DDX6: variants seen among roughly 807,000 people sequenced by gnomAD.
The protein encoded by DDX6 is probable ATP-dependent RNA helicase DDX6.
DDX6 carries 7 observed loss-of-function variants against 60.6 expected under a neutral mutation model. The ratio of observed to expected loss-of-function variants is 0.12; its 90% CI spans 0.07 to 0.22. The LOEUF is 0.22. Ranked by LOEUF, DDX6 falls within the 10% of genes least tolerant of loss-of-function variation. The pLI, the probability that DDX6 is intolerant of heterozygous loss-of-function variation, is 1.00. For missense variants in DDX6, 270 were observed against 589.9 expected, an observed-to-expected ratio of 0.46 and a Z score of 5.62; for synonymous variants, 207 against 201.0, an observed-to-expected ratio of 1.03 and a Z score of -0.25.
At chr11:118,761,319 G>C (rs1202214238) in intron 7 of DDX6, among the ~76,000 whole-genome samples, 1 of 151,578 alleles carries the variant, frequency 6.6e-6, no homozygotes, top group Non-Finnish European at 1.5e-5. Context: ...CCGGGATTTA[G>C]AAAAAACTTG....
Position 118,758,919 on chromosome 11 carries a change from A to G in DDX6, c.865-17T>C, listed in dbSNP as rs1555159596. On this transcript the variant is annotated splice_polypyrimidine_tract_variant and intron_variant, in intron 8 of 13. Transcript: ENST00000534980. ...ATGGGAATTCTGGGGGGGGAGCGGG[A>G]AAAAGATGAGTCGTCGTCTTAAATG... 2 of 1,612,242 alleles carry G rather than the reference A, an allele frequency of 1.2e-6. No individual in the cohort carries two copies. The highest frequency in any genetic ancestry group is 1.7e-6 in the Non-Finnish European group (2 of 1,179,054).
Position 118,765,267 on chromosome 11 carries a change from C to A in DDX6, c.588G>T (p.Val196=). The A allele has an allele frequency of 6.2e-7, 1 of 1,613,252 alleles. No homozygotes were observed. The highest frequency in any genetic ancestry group is 1.1e-5 in the South Asian group (1 of 91,050). ...QVSKHMGGAK[V]MATTGGTNLR... ...AATTGGTTCCTCCTGTGGTTGCCAT[C>A]ACTTTGGCCCCTCCCATGTGTTTGC... The change falls in exon 6 of 14, where the codon GTG becomes GTT. Residue 196 remains valine, a synonymous_variant. Transcript: ENST00000534980.
intron 4 of DDX6, among the ~76,000 whole-genome samples, chr11:118,772,550 G>C (rs1268727896): frequency 6.6e-6 from 1 of 152,132 alleles, no homozygotes; most frequent in African/African-American, 2.4e-5. Flanking sequence ...TGATCAAAAT[G>C]TTCTAAAATT....
In DDX6 at chr11:118,754,565, T is replaced by A. The variant is rs568373089; in HGVS notation, c.*7+140A>T. On this transcript the variant is annotated intron_variant, in intron 13 of 13. Coordinates refer to ENST00000534980, the MANE Select transcript of DDX6 (RefSeq NM_004397.6). ...GACTACAACCTCCCACAAGAGATATTATTTACTGTCATTTATGCTAGTGGG... is the reference window on the plus strand; with the variant it reads ...GACTACAACCTCCCACAAGAGATATAATTTACTGTCATTTATGCTAGTGGG... 1.4e-5 allele frequency: 10 copies of A among 697,878 alleles called. No individual in the cohort carries two copies. The African/African-American group carries it at 1.8e-4, about 13-fold the overall frequency. 43.2% of individuals were successfully genotyped at this position (697,878 alleles called of 1,614,324 possible).
intron 2 of DDX6, among the ~76,000 whole-genome samples, chr11:118,781,860 G>A (rs150792202): frequency 0.056 from 8,341 of 149,238 alleles, 334 homozygotes; most frequent in Non-Finnish European, 0.084. Flanking sequence ...CCTGGGAGGC[G>A]GACACTGCAG....
chr11:118,778,992 C>T (rs1204623472), intron 4 of DDX6, among the ~76,000 whole-genome samples: 1 of 151,760 alleles, frequency 6.6e-6, no homozygotes, highest in East Asian at 1.9e-4. Flanking sequence ...CCTATCCCTA[C>T]AAAAAAATAG....
intron 2 of DDX6, among the ~76,000 whole-genome samples, chr11:118,784,938 G>T (rs932584314): frequency 1.3e-5 from 2 of 152,026 alleles, no homozygotes; most frequent in East Asian, 1.9e-4. Context: ...TAGAGACGGG[G>T]TTTATTTTTA....
chr11:118,759,544 A>G (rs1861095814), intron 8 of DDX6, among the ~76,000 whole-genome samples: 1 of 152,164 alleles, frequency 6.6e-6, no homozygotes, highest in Non-Finnish European at 1.5e-5. Context: ...TCCAAAGAAC[A>G]TTTCCTTTTA....
In DDX6 at chr11:118,752,065, G is replaced by T. The variant is rs1182577682; in HGVS notation, c.*40C>A. On this transcript the variant is annotated 3_prime_UTR_variant, in exon 14 of 14. Coordinates refer to ENST00000534980, the MANE Select transcript of DDX6 (RefSeq NM_004397.6). ...ATTCCCCCCAAAACGATGTGTCACA[G>T]ATCCAAACGAGCCTTTTGTAATTTG... 2 of 230,574 alleles carry T rather than the reference G, an allele frequency of 8.7e-6. No homozygotes were observed. Among genetic ancestry groups the T allele is most frequent in the African/African-American group, 4.7e-5 (2 of 42,624 alleles). The allele number at this position is 230,574 out of a possible 1,614,324, so 14.3% of individuals were successfully genotyped here.
At chr11:118,757,990 C>T (rs1395578641) in intron 9 of DDX6, among the ~76,000 whole-genome samples, 1 of 152,124 alleles carries the variant, frequency 6.6e-6, no homozygotes, top group African/African-American at 2.4e-5. Context: ...AAATCAGCAA[C>T]AAAAACTTGA....
chr11:118,781,100 T>C (rs555649), intron 3 of DDX6, 21 bp downstream of exon 3: 617,970 of 1,534,134 alleles, frequency 0.4, 128,670 homozygotes, highest in Admixed American at 0.59. Flanking sequence ...TTATTCTACT[T>C]GTATTTTACA....
intron 5 of DDX6, chr11:118,767,794 A>C (rs1266034481): frequency 6.5e-6 from 1 of 153,888 alleles, no homozygotes; most frequent in Non-Finnish European, 1.4e-5. Flanking sequence ...CACCATGCCC[A>C]GCTAATTTTT....
intron 3 of DDX6, 37 bp downstream of exon 3, chr11:118,781,084 C>T (rs781855754): frequency 7.0e-7 from 1 of 1,419,398 alleles, no homozygotes; most frequent in South Asian, 1.2e-5. Context: ...TTCTAGTTCC[C>T]CACCATTATT....
Position 118,786,519 on chromosome 11 carries a change from C to T in DDX6, c.-267-1G>A. On this transcript the variant is annotated splice_acceptor_variant, in intron 1 of 13. Coordinates refer to ENST00000534980, the MANE Select transcript of DDX6 (RefSeq NM_004397.6). LOFTEE classifies it low-confidence loss of function (5UTR_SPLICE). ...TATATCTGAATTCACTCACGTCAATCTGAAACAAACAAACAAAATTAAATT... is the reference window on the plus strand; with the variant it reads ...TATATCTGAATTCACTCACGTCAATTTGAAACAAACAAACAAAATTAAATT... 1 of 293,248 alleles carries T rather than the reference C, an allele frequency of 3.4e-6. No homozygotes were observed. Among genetic ancestry groups the T allele is most frequent in the Admixed American group, 5.0e-5 (1 of 19,866 alleles). The allele number at this position is 293,248 out of a possible 1,614,324, so 18.2% of individuals were successfully genotyped here. A position where few individuals can be genotyped will look rare whatever the true frequency, so the allele number is the denominator to read the frequency against.
chr11:118,785,636 G>C (rs528222177), intron 2 of DDX6, among the ~76,000 whole-genome samples: 7 of 152,034 alleles, frequency 4.6e-5, no homozygotes, highest in African/African-American at 1.7e-4. Context: ...TAAAGACTCA[G>C]ACTGAGTCTT....
intron 4 of DDX6, among the ~76,000 whole-genome samples, chr11:118,770,705 C>A (rs1861507502): frequency 6.6e-6 from 1 of 151,974 alleles, no homozygotes; most frequent in Non-Finnish European, 1.5e-5. Flanking sequence ...GCCTGGCCAA[C>A]ATGGTGAAAC....
chr11:118,751,523 G>C lies in DDX6; in HGVS notation c.*582C>G, dbSNP rs1860768821. ...GTAGAAAGGGAAGAGACTTCAACCT[G>C]AAACCAAAATAAGAAGACATTTTTT... On this transcript the variant is annotated 3_prime_UTR_variant, in exon 14 of 14. Coordinates refer to ENST00000534980, the MANE Select transcript of DDX6 (RefSeq NM_004397.6). 1 of 152,922 alleles carries C rather than the reference G, an allele frequency of 6.5e-6. No individual in the cohort carries two copies. The highest frequency in any genetic ancestry group is 6.6e-5 in the Admixed American group (1 of 15,212). 9.5% of individuals were successfully genotyped at this position (152,922 alleles called of 1,614,324 possible).
At chr11:118,785,257 G>A (rs546833708) in intron 2 of DDX6, among the ~76,000 whole-genome samples, 1 of 152,276 alleles carries the variant, frequency 6.6e-6, no homozygotes, top group African/African-American at 2.4e-5. Context: ...CTAGTAAGAG[G>A]AGGCTCTTCA....
intron 4 of DDX6, among the ~76,000 whole-genome samples, chr11:118,772,918 A>G (rs1158809990): frequency 6.6e-6 from 1 of 152,228 alleles, no homozygotes; most frequent in Non-Finnish European, 1.5e-5. Context: ...CATAGCCCAC[A>G]CTGGGCCAGC....
Sources: gnomAD v4.1 joint callset for allele counts (sites outside exome capture counted in the v4.1 genomes callset) on GRCh38, gnomAD v4.1.1 for gene constraint, MANE v1.5 for transcripts, NCBI Gene and HGNC (gene_info 2026-07-23, HGNC 2026-07-21) for gene names.